XPNPEP3: variants seen among roughly 807,000 people sequenced by gnomAD.
The protein encoded by XPNPEP3 is xaa-Pro aminopeptidase 3.
In XPNPEP3, 41 loss-of-function variants were observed where a neutral mutation model predicts 60.0. The observed-to-expected ratio is 0.68, with a 90% CI of 0.53 to 0.89. XPNPEP3 has a LOEUF of 0.89. Among genes scored for constraint, XPNPEP3 ranks in the 40% least tolerant of loss-of-function variants. XPNPEP3 has a pLI of 0.00. For missense variants in XPNPEP3, 598 were observed against 638.9 expected (o/e 0.94, Z 0.69); for synonymous variants, 212 against 223.2 (o/e 0.95, Z 0.45).
At chr22:40,865,510 T>C (rs1055937227) in intron 1 of XPNPEP3, among the ~76,000 whole-genome samples, 22 of 152,066 alleles carry the variant, frequency 1.4e-4, no homozygotes, top group African/African-American at 5.3e-4. Context: ...GTATTTTTAG[T>C]AGAGACAGGG....
At position 40,886,506 on chromosome 22, in the gene XPNPEP3, G is replaced by A; in HGVS notation, c.783G>A (p.Leu261=). 6.2e-7 allele frequency: 1 copy of A among 1,613,842 alleles called. No homozygotes were observed. The highest frequency in any genetic ancestry group is 8.5e-7 in the Non-Finnish European group (1 of 1,179,980). ...AACGAATGCAGATTGCTGGGAAGCT[G>A]ACATCACAGGTATGATTCCTATTGA... ...EIERMQIAGK[L]TSQAFIETMF... The change falls in exon 4 of 10, where the codon CTG becomes CTA. Residue 261 remains leucine (L), a synonymous_variant. Transcript: ENST00000357137.
At chr22:40,907,696 A>G (rs1310867621) in intron 5 of XPNPEP3, 47 bp downstream of exon 5, 4 of 1,579,342 alleles carry the variant, frequency 2.5e-6, no homozygotes, top group African/African-American at 1.3e-5. Context: ...AGGTGAATAT[A>G]ATAATTTGAT....
In XPNPEP3 at chr22:40,861,691, G is replaced by T. The variant is rs1210821184; in HGVS notation, c.64+4446G>T. ...TGAAAAGAAAATGGATCCCTTTCAT[G>T]AAAAATTTCTTTAAAAACATCATCT... On this transcript the variant is annotated intron_variant, in intron 1 of 9. Transcript: ENST00000357137. 1.9e-6 allele frequency: 3 copies of T among 1,613,924 alleles called. No individual in the cohort carries two copies. The African/African-American group carries it at 4.0e-5, about 22-fold the overall frequency.
At chr22:40,880,858 C>T (rs1395307882) in intron 2 of XPNPEP3, among the ~76,000 whole-genome samples, 1 of 151,120 alleles carries the variant, frequency 6.6e-6, no homozygotes, top group Non-Finnish European at 1.5e-5. Context: ...TATATAAAAT[C>T]TCTGCAGTAG....
Position 40,922,352 on chromosome 22 carries a change from G to A in XPNPEP3, c.1075G>A (p.Glu359Lys), listed in dbSNP as rs1341014381. 1.2e-6 allele frequency: 2 copies of A among 1,613,722 alleles called. No individual in the cohort carries two copies. Among genetic ancestry groups the A allele is most frequent in the East Asian group, 2.2e-5 (1 of 44,898 alleles). The stretch of plus-strand genomic sequence containing the variant: ...CCCCAGGTTCACCGCACCTCAGGCA[G>A]AACTCTATGAAGCCGTTCTAGAGAT... Reference protein sequence around the residue: ...VNGRFTAPQAELYEAVLEIQR... With the variant: ...VNGRFTAPQAKLYEAVLEIQR... Residue 359 changes from glutamate to lysine, a missense_variant, in exon 8 of 10, where the codon GAA (glutamate) becomes AAA (lysine). Coordinates refer to ENST00000357137, the MANE Select transcript of XPNPEP3 (RefSeq NM_022098.4).
At chr22:40,919,085 CTG>C (rs2058206963) in intron 7 of XPNPEP3, among the ~76,000 whole-genome samples, 1 of 151,900 alleles carries the variant, frequency 6.6e-6, no homozygotes, top group Non-Finnish European at 1.5e-5. Context: ...CTTTTTATAT[CTG>C]TGTTTTGTTT....
At chr22:40,873,674 A>G (rs951422725) in intron 2 of XPNPEP3, among the ~76,000 whole-genome samples, 2 of 152,058 alleles carry the variant, frequency 1.3e-5, no homozygotes, top group African/African-American at 2.4e-5. Context: ...AGCTACGCCT[A>G]TAATCCCAGC....
chr22:40,901,285 A>G (rs1187192166), intron 4 of XPNPEP3, among the ~76,000 whole-genome samples: 1 of 136,274 alleles, frequency 7.3e-6, no homozygotes, highest in East Asian at 2.1e-4. Context: ...CCCAGGCTGG[A>G]GTGCAATGGC....
In XPNPEP3 at chr22:40,886,352, C is replaced by T. The variant is rs2146254157; in HGVS notation, c.629C>T (p.Ser210Leu). 1 of 1,614,150 alleles carries T rather than the reference C, an allele frequency of 6.2e-7. No individual in the cohort carries two copies. Among genetic ancestry groups the T allele is most frequent in the Non-Finnish European group, 8.5e-7 (1 of 1,180,030 alleles). ...NMVWYDWMRP[S>L]HAQLHSDYMQ... ...GTTTGGTATGACTGGATGAGGCCCT[C>T]ACATGCACAGCTTCACTCTGACTAT... The change falls in exon 4 of 10, where the codon TCA becomes TTA. Residue 210 changes from serine to leucine, a missense_variant. Ser to Leu is a moderately radical substitution (Grantham distance 145, BLOSUM62 -2). Coordinates refer to ENST00000357137, the MANE Select transcript of XPNPEP3 (RefSeq NM_022098.4).
chr22:40,880,028 CAAAAAAAA>C (rs963115248), intron 2 of XPNPEP3, among the ~76,000 whole-genome samples: 1 of 52,862 alleles, frequency 1.9e-5, no homozygotes, highest in African/African-American at 7.3e-5. Context: ...CTCTGTCTCC[CAAAAAAAA>C]AAAAAAAAAA....
At chr22:40,899,183 G>A (rs904202241) in intron 4 of XPNPEP3, among the ~76,000 whole-genome samples, 1 of 151,994 alleles carries the variant, frequency 6.6e-6, no homozygotes, top group Non-Finnish European at 1.5e-5. Flanking sequence ...CTTGCCACTC[G>A]AATTATTTTA....
rs771218448 is a variant in XPNPEP3, at chr22:40,886,477, A to G, written c.754A>G (p.Ile252Val). 3.7e-6 allele frequency: 6 copies of G among 1,614,104 alleles called. No homozygotes were observed. The highest frequency in any genetic ancestry group is 5.1e-6 in the Non-Finnish European group (6 of 1,180,012). The change falls in exon 4 of 10, where the codon ATT becomes GTT. Residue 252 changes from isoleucine (I) to valine (V), a missense_variant. By Grantham distance (29) the Ile-to-Val change is conservative. Coordinates refer to ENST00000357137, the MANE Select transcript of XPNPEP3 (RefSeq NM_022098.4). ...RLRLIKSPAE[I>V]ERMQIAGKLT... ...CCGGCTGATCAAGTCTCCTGCAGAA[A>G]TTGAACGAATGCAGATTGCTGGGAA...
chr22:40,905,902 C>G (rs1255259587), intron 4 of XPNPEP3, among the ~76,000 whole-genome samples: 2 of 152,100 alleles, frequency 1.3e-5, no homozygotes, highest in East Asian at 1.9e-4. Flanking sequence ...CGTGATTCTC[C>G]TGTCCCAGCC....
chr22:40,858,738 G>C (rs1395167522), intron 1 of XPNPEP3, among the ~76,000 whole-genome samples: 1 of 151,848 alleles, frequency 6.6e-6, no homozygotes, highest in Non-Finnish European at 1.5e-5. Context: ...CACCATCTTG[G>C]CCAGGCTGGT....
intron 4 of XPNPEP3, among the ~76,000 whole-genome samples, chr22:40,904,967 C>T (rs1217519769): frequency 1.3e-5 from 2 of 152,144 alleles, no homozygotes; most frequent in Non-Finnish European, 2.9e-5. Context: ...CAGGATTTCA[C>T]CATGTTGGCC....
intron 6 of XPNPEP3, among the ~76,000 whole-genome samples, chr22:40,912,827 G>A (rs577746870): frequency 3.3e-5 from 5 of 152,104 alleles, no homozygotes; most frequent in Admixed American, 1.3e-4. Context: ...CCAAGGTTGC[G>A]CCACTGCACT....
intron 4 of XPNPEP3, among the ~76,000 whole-genome samples, chr22:40,906,408 G>A (rs2146268858): frequency 6.7e-6 from 1 of 148,506 alleles, no homozygotes; most frequent in Non-Finnish European, 1.5e-5. Flanking sequence ...GGGATGGAGT[G>A]AGACTCTGTC....
intron 4 of XPNPEP3, among the ~76,000 whole-genome samples, chr22:40,901,097 A>T (rs9611433): frequency 0.39 from 59,690 of 151,286 alleles, 13,664 homozygotes; most frequent in East Asian, 0.73. Flanking sequence ...TCTTTTTATT[A>T]AAAAAAAAGA....
chr22:40,914,282 G>T lies in XPNPEP3; in HGVS notation c.1013G>T (p.Cys338Phe). The change falls in exon 7 of 10, where the codon TGC becomes TTC. Residue 338 changes from cysteine to phenylalanine, a missense_variant. Coordinates refer to ENST00000357137, the MANE Select transcript of XPNPEP3 (RefSeq NM_022098.4). The part of the protein sequence containing the change: ...VLLDGGCESS[C>F]YVSDITRTWP... Reference sequence around the variant, plus strand: ...CTGGATGGAGGTTGTGAGTCTTCCTGCTATGTGAGTGACATCACACGTACG... The same window carrying T: ...CTGGATGGAGGTTGTGAGTCTTCCTTCTATGTGAGTGACATCACACGTACG... The T allele has an allele frequency of 6.2e-7, 1 of 1,614,100 alleles. No homozygotes were observed. Among genetic ancestry groups the T allele is most frequent in the Non-Finnish European group, 8.5e-7 (1 of 1,180,014 alleles).
Sources: gnomAD v4.1 joint callset for allele counts (sites outside exome capture counted in the v4.1 genomes callset) on GRCh38, gnomAD v4.1.1 for gene constraint, MANE v1.5 for transcripts, NCBI Gene and HGNC (gene_info 2026-07-23, HGNC 2026-07-21) for gene names.